Variants in SLC2A9 observed in about 807,000 individuals in gnomAD.
The protein encoded by SLC2A9 is solute carrier family 2 member 9, also known as solute carrier family 2, facilitated glucose transporter member 9.
Under a neutral mutation model 50.6 loss-of-function variants are expected in SLC2A9, and 39 were observed. The observed-to-expected ratio is 0.77, with a 90% CI of 0.60 to 1.01. The LOEUF (loss-of-function observed/expected upper bound fraction) is 1.01. Ranked by LOEUF, SLC2A9 falls within the 50% of genes least tolerant of loss-of-function variation. The probability of loss-of-function intolerance (pLI) is 0.00; values close to 1 mark genes in which losing one functional copy is unlikely to be tolerated. For missense variants in SLC2A9, 686 were observed against 677.6 expected (o/e 1.01, Z -0.14); for synonymous variants, 324 against 276.9 (o/e 1.17, Z -1.69).
At chr4:9,852,003 G>A (rs1730006840) in intron 10 of SLC2A9, among the ~76,000 whole-genome samples, 2 of 152,176 alleles carry the variant, frequency 1.3e-5, no homozygotes, top group African/African-American at 4.8e-5. Flanking sequence ...CATATTTGAG[G>A]ATATTGTCCA....
Position 9,920,478 on chromosome 4 carries a change from G to C in SLC2A9, c.909C>G (p.Ser303=). ...SRVQRSIRLV[S]VLELLRAPYV... is the part of the protein sequence containing the mutation. ...AGGGAGCTCTCAGCAGCTCCAGCACGGACACCAGGCGGATGCTCCTCTGCA... is the reference window on the plus strand; with the variant it reads ...AGGGAGCTCTCAGCAGCTCCAGCACCGACACCAGGCGGATGCTCCTCTGCA... The change falls in exon 7 of 12, where the codon TCC becomes TCG. Residue 303 remains serine, a synonymous_variant. Coordinates refer to ENST00000264784, the MANE Select transcript of SLC2A9 (RefSeq NM_020041.3). The C allele has an allele frequency of 6.2e-7, 1 of 1,614,144 alleles. No homozygotes were observed. The highest frequency in any genetic ancestry group is 8.5e-7 in the Non-Finnish European group (1 of 1,180,028).
chr4:10,030,800 C>T (rs1484548296), intron 1 of SLC2A9, among the ~76,000 whole-genome samples: 2 of 152,146 alleles, frequency 1.3e-5, no homozygotes, highest in Non-Finnish European at 2.9e-5. Context: ...TATCGAGCCC[C>T]TCTTATGTAG....
At chr4:9,994,989 G>C (rs1311393422) in intron 3 of SLC2A9, among the ~76,000 whole-genome samples, 1 of 152,102 alleles carries the variant, frequency 6.6e-6, no homozygotes, top group Non-Finnish European at 1.5e-5. Flanking sequence ...CCAGCCTGTT[G>C]TCAAACAGTC....
intron 5 of SLC2A9, among the ~76,000 whole-genome samples, chr4:9,977,653 C>G (rs1560422192): frequency 6.6e-6 from 1 of 151,752 alleles, no homozygotes; most frequent in African/African-American, 2.4e-5. Context: ...TCCCCGCCCC[C>G]ATTGCCTCTC....
At chr4:9,951,068 TA>T (rs1416253769) in intron 5 of SLC2A9, among the ~76,000 whole-genome samples, 1 of 152,174 alleles carries the variant, frequency 6.6e-6, no homozygotes, top group African/African-American at 2.4e-5. Context: ...CTATTCACAA[TA>T]GTAAAGATAT....
Position 9,784,172 on chromosome 4 carries a change from C to T in SLC2A9, n.386-4107G>A, listed in dbSNP as rs183259207. Among the ~76,000 whole-genome samples, 503 of 152,298 alleles carry T rather than the reference C, an allele frequency of 3.3e-3. 5 individuals carry two copies. Among genetic ancestry groups the T allele is most frequent in the African/African-American group, 0.011 (476 of 41,560 alleles). On this transcript the variant is annotated intron_variant and non_coding_transcript_variant, in intron 3 of 3. Transcript: ENST00000503803. Reference sequence around the variant, plus strand: ...TTAAAGATACACCAGGGCAAAGGACCTTGAGGAGCTTCTGTTTTCTCAGGT... The same window carrying T: ...TTAAAGATACACCAGGGCAAAGGACTTTGAGGAGCTTCTGTTTTCTCAGGT...
downstream of SLC2A9, among the ~76,000 whole-genome samples, chr4:9,775,462 G>T (rs1717425837): frequency 6.6e-6 from 1 of 152,082 alleles, no homozygotes; most frequent in South Asian, 2.1e-4. Context: ...GATATAATTT[G>T]GATATTTATC....
chr4:9,872,311 G>C (rs949556895), intron 10 of SLC2A9, among the ~76,000 whole-genome samples: 2 of 152,142 alleles, frequency 1.3e-5, no homozygotes, highest in African/African-American at 4.8e-5. Flanking sequence ...CTGTGTCCTG[G>C]CCAGGAATGA....
rs1727124042 is a variant in SLC2A9 at position 9,836,430 on chromosome 4, G to A, written c.1292-1422C>T. ...TGGGTGGAGAAGGATGCTCTGGGGA[G>A]GAGATGGTGGAGATGTGGATTGAAG... On this transcript the variant is annotated intron_variant, in intron 10 of 11. Transcript: ENST00000264784. Among the ~76,000 whole-genome samples, 4 of 152,316 alleles carry A rather than the reference G, an allele frequency of 2.6e-5. No individual in the cohort carries two copies. In the South Asian group the frequency reaches 8.3e-4, roughly 32 times the overall value.
intron 6 of SLC2A9, among the ~76,000 whole-genome samples, chr4:9,935,288 T>C (rs993787102): frequency 2.6e-5 from 4 of 152,218 alleles, no homozygotes; most frequent in Non-Finnish European, 5.9e-5. Context: ...TGTAAAAGTG[T>C]TCCTATTTCT....
chr4:10,015,136 G>C (rs984688972), intron 2 of SLC2A9, among the ~76,000 whole-genome samples: 6 of 152,160 alleles, frequency 3.9e-5, no homozygotes, highest in African/African-American at 1.4e-4. Context: ...TGAGCCCCTA[G>C]GGTTGTTGCA....
chr4:9,963,853 G>A (rs936103961), intron 5 of SLC2A9, among the ~76,000 whole-genome samples: 11 of 152,188 alleles, frequency 7.2e-5, no homozygotes, highest in Admixed American at 6.5e-4. Context: ...AGATTCTTGG[G>A]GAACCACCTG....
intron 3 of SLC2A9, among the ~76,000 whole-genome samples, chr4:9,996,177 T>C (rs7669607): frequency 0.8 from 121,845 of 152,198 alleles, 48,907 homozygotes; most frequent in East Asian, 0.97. Flanking sequence ...GTAATGTAAA[T>C]GATCTGAAAT....
intron 6 of SLC2A9, among the ~76,000 whole-genome samples, chr4:9,936,074 G>A (rs1747017297): frequency 6.6e-6 from 1 of 152,174 alleles, no homozygotes; most frequent in Admixed American, 6.5e-5. Flanking sequence ...AGAAATTGGA[G>A]CCCTTCTGCC....
chr4:9,953,852 C>G (rs530463118), intron 5 of SLC2A9, among the ~76,000 whole-genome samples: 26 of 152,256 alleles, frequency 1.7e-4, no homozygotes, highest in Non-Finnish European at 3.2e-4. Flanking sequence ...TTTTGTTGCC[C>G]AGGATGGAGT....
chr4:9,788,586 T>C (rs149523417), intron 3 of SLC2A9, among the ~76,000 whole-genome samples: 1 of 152,154 alleles, frequency 6.6e-6, no homozygotes, highest in African/African-American at 2.4e-5. Context: ...TGGGGACACA[T>C]GTGTCCCATT....
At chr4:9,796,949 G>T (rs1271677831), downstream of SLC2A9, among the ~76,000 whole-genome samples, 1 of 152,204 alleles carries the variant, frequency 6.6e-6, no homozygotes, top group East Asian at 1.9e-4. Context: ...TGTCAGTGGG[G>T]TGGGGAAGTA....
chr4:9,994,983 C>A (rs1352770323), intron 3 of SLC2A9, among the ~76,000 whole-genome samples: 1 of 152,222 alleles, frequency 6.6e-6, no homozygotes, highest in African/African-American at 2.4e-5. Context: ...TGAGTGCCAG[C>A]CTGTTGTCAA....
chr4:9,827,026 C>T (rs907739518), intron 11 of SLC2A9, among the ~76,000 whole-genome samples: 1 of 152,168 alleles, frequency 6.6e-6, no homozygotes, highest in Non-Finnish European at 1.5e-5. Flanking sequence ...GAATGTGGAG[C>T]ACAGAATAGG....
Sources: allele counts gnomAD v4.1 joint callset (sites outside exome capture counted in the v4.1 genomes callset), GRCh38; gene constraint gnomAD v4.1.1; transcripts MANE v1.5; gene names NCBI Gene and HGNC (gene_info 2026-07-23, HGNC 2026-07-21).